FLNB: variants seen among roughly 807,000 people sequenced by gnomAD.
FLNB encodes the protein filamin-B.
FLNB carries 111 observed loss-of-function variants against 250.6 expected under a neutral mutation model. That is an observed-to-expected ratio of 0.44 (90% CI 0.38 to 0.52). The LOEUF (loss-of-function observed/expected upper bound fraction) is 0.52. Ranked by LOEUF, FLNB falls within the 20% of genes least tolerant of loss-of-function variation. FLNB has a pLI of 0.00. For missense variants in FLNB, 2,869 were observed against 3,447.8 expected (o/e 0.83, Z 4.20); for synonymous variants, 1,302 against 1,372.1 (o/e 0.95, Z 1.13).
intron 25 of FLNB, 74 bp downstream of exon 25, chr3:58,130,982 C>T (rs1389383587): frequency 1.4e-6 from 2 of 1,452,102 alleles, no homozygotes; most frequent in African/African-American, 2.8e-5. Context: ...AGAGCAGATG[C>T]TTTGCTTTTG....
chr3:58,084,710 CT>C (rs2106983816), intron 4 of FLNB, among the ~76,000 whole-genome samples: 1 of 152,266 alleles, frequency 6.6e-6, no homozygotes, highest in Admixed American at 6.5e-5. Context: ...ATCTCCAGAA[CT>C]TTTTCAACTT....
intron 32 of FLNB, among the ~76,000 whole-genome samples, chr3:58,145,063 A>G (rs1028263192): frequency 2.0e-5 from 3 of 152,194 alleles, no homozygotes; most frequent in African/African-American, 4.8e-5. Flanking sequence ...TCTGTATGTA[A>G]TATTGGTTTA....
chr3:58,025,629 G>A (rs1311001767), intron 1 of FLNB, among the ~76,000 whole-genome samples: 1 of 152,224 alleles, frequency 6.6e-6, no homozygotes, highest in Non-Finnish European at 1.5e-5. Context: ...TATGCTGAAT[G>A]TGATCCTTAA....
chr3:58,169,321 A>C lies in FLNB; in HGVS notation c.7418-269A>C. On this transcript the variant is annotated intron_variant, in intron 44 of 45. Transcript: ENST00000295956. This position sits in a 1 kb window ranked among gnomAD's most constrained non-coding sequence, Gnocchi z 4.8. ...TTCCACAGGCACATCTTTGGTGGGT[A>C]GGGGGTGGGGGGATTGGGAGGGTCC... 1 of 472,574 alleles carries C rather than the reference A, an allele frequency of 2.1e-6. No homozygotes were observed. 29.3% of individuals were successfully genotyped at this position (472,574 alleles called of 1,614,324 possible). A position where few individuals can be genotyped will look rare whatever the true frequency, so the allele number is the denominator to read the frequency against.
At chr3:58,069,232 C>CTTTT (rs59689498) in intron 1 of FLNB, among the ~76,000 whole-genome samples, 47 of 86,370 alleles carry the variant, frequency 5.4e-4, no homozygotes, top group Non-Finnish European at 6.8e-4. Flanking sequence ...TAGTTCAATT[C>CTTTT]TTTTTTTTTT....
At chr3:58,126,897 G>A (rs1397866396) in intron 24 of FLNB, 135 bp downstream of exon 24, 5 of 800,468 alleles carry the variant, frequency 6.2e-6, no homozygotes, top group Non-Finnish European at 1.0e-5. Flanking sequence ...TTTTCTTAGG[G>A]CTACATCTCC....
chr3:58,129,780 A>T (rs1410241273), intron 24 of FLNB, among the ~76,000 whole-genome samples: 1 of 152,190 alleles, frequency 6.6e-6, no homozygotes, highest in Non-Finnish European at 1.5e-5. Flanking sequence ...CAGGACTCCC[A>T]TGCGAGGCAG....
chr3:58,095,962 G>T (rs182085096), intron 5 of FLNB, among the ~76,000 whole-genome samples, 179 bp from the exon 6 acceptor site: 1 of 152,320 alleles, frequency 6.6e-6, no homozygotes, highest in African/African-American at 2.4e-5. Flanking sequence ...TGTGCTGCAT[G>T]GTTTTGTTTC....
At chr3:58,060,488 G>A (rs1334053327) in intron 1 of FLNB, among the ~76,000 whole-genome samples, 12 of 151,852 alleles carry the variant, frequency 7.9e-5, no homozygotes, top group Non-Finnish European at 1.8e-4. Flanking sequence ...AAGTAGCTGG[G>A]ATTACAGGCG....
At chr3:58,158,800 G>C (rs2107305586) in intron 41 of FLNB, among the ~76,000 whole-genome samples, 1 of 152,244 alleles carries the variant, frequency 6.6e-6, no homozygotes, top group Non-Finnish European at 1.5e-5. Flanking sequence ...GTCTTTCTAT[G>C]GCTTCTTGTG....
At chr3:58,097,708 C>A in intron 6 of FLNB, 107 bp from the exon 7 acceptor site, 1 of 1,114,852 alleles carries the variant, frequency 9.0e-7, no homozygotes, top group Non-Finnish European at 1.3e-6. Context: ...TTGTGTGTGC[C>A]ATCATGGGAG....
intron 1 of FLNB, among the ~76,000 whole-genome samples, chr3:58,043,182 T>C (rs1470873679): frequency 6.8e-6 from 1 of 146,682 alleles, no homozygotes; most frequent in African/African-American, 2.6e-5. Context: ...AGTTTCACTC[T>C]GTTGCCCGGG....
At chr3:58,052,460 T>C (rs1275806205) in intron 1 of FLNB, among the ~76,000 whole-genome samples, 1 of 152,146 alleles carries the variant, frequency 6.6e-6, no homozygotes, top group Non-Finnish European at 1.5e-5. Context: ...TTGTTAACAA[T>C]GGCTGAGTCA....
intron 1 of FLNB, among the ~76,000 whole-genome samples, chr3:58,030,335 A>G (rs1326479461): frequency 6.6e-6 from 1 of 152,240 alleles, no homozygotes; most frequent in Non-Finnish European, 1.5e-5. Context: ...CTAGATGCAG[A>G]GCAAGTTATG....
At chr3:58,035,649 C>T (rs1393538783) in intron 1 of FLNB, among the ~76,000 whole-genome samples, 2 of 152,162 alleles carry the variant, frequency 1.3e-5, no homozygotes, top group South Asian at 2.1e-4. Context: ...AAAAAAGATC[C>T]GTGGTTATAG....
chr3:58,057,049 G>A (rs1223883169), intron 1 of FLNB, among the ~76,000 whole-genome samples: 1 of 152,106 alleles, frequency 6.6e-6, no homozygotes, highest in African/African-American at 2.4e-5. Context: ...GCATGAACAG[G>A]GCTCACTGCA....
intron 21 of FLNB, among the ~76,000 whole-genome samples, 153 bp from the exon 22 acceptor site, chr3:58,124,179 G>T (rs1225333134): frequency 6.6e-6 from 1 of 152,144 alleles, no homozygotes; most frequent in Non-Finnish European, 1.5e-5. Flanking sequence ...GATGGAGGGG[G>T]TTAATATTCT....
At chr3:58,033,753 A>G (rs889326221) in intron 1 of FLNB, among the ~76,000 whole-genome samples, 11 of 152,178 alleles carry the variant, frequency 7.2e-5, no homozygotes, top group Admixed American at 5.2e-4. Flanking sequence ...TCCTTGTTGC[A>G]TGTGTCAATA....
Position 58,154,607 on chromosome 3 carries a change from A to G in FLNB, c.6635-184A>G, listed in dbSNP as rs145319025. 2.0e-4 allele frequency: 124 copies of G among 605,334 alleles called. No individual in the cohort carries two copies. In the East Asian group the frequency reaches 3.3e-3, roughly 16 times the overall value. The allele number at this position is 605,334 out of a possible 1,614,324, so 37.5% of individuals were successfully genotyped here. ...CAGATGTCCTGTGAATTTAGTTATC[A>G]CTAGTGATGCTTAGGAAACTTCAGC... On this transcript the variant is annotated intron_variant, in intron 39 of 45. Coordinates refer to ENST00000295956, the MANE Select transcript of FLNB (RefSeq NM_001457.4).
Sources: allele counts gnomAD v4.1 joint callset (sites outside exome capture counted in the v4.1 genomes callset), GRCh38; gene constraint gnomAD v4.1.1; non-coding constraint Gnocchi (gnomAD v3.1); transcripts MANE v1.5; gene names NCBI Gene and HGNC (gene_info 2026-07-23, HGNC 2026-07-21).